Variants in CELF4 observed in about 807,000 individuals in gnomAD.
CELF4 encodes CUG-BP- and ETR-3-like factor 4.
A neutral mutation model predicts 59.9 loss-of-function variants in CELF4; 18 were observed. That is an observed-to-expected ratio of 0.30 (90% confidence interval 0.21 to 0.45). The LOEUF (loss-of-function observed/expected upper bound fraction) is 0.45, where lower values mean the gene tolerates loss of function less well. Among genes scored for constraint, CELF4 ranks in the 20% least tolerant of loss-of-function variants. The pLI, the probability that CELF4 is intolerant of heterozygous loss-of-function variation, is 1.00. For missense variants in CELF4, 456 were observed against 689.0 expected (o/e 0.66, Z 3.79); for synonymous variants, 261 against 267.1 (o/e 0.98, Z 0.22).
At chr18:37,428,754 C>T (rs1274122208) in intron 2 of CELF4, among the ~76,000 whole-genome samples, 2 of 152,116 alleles carry the variant, frequency 1.3e-5, no homozygotes, top group African/African-American at 4.8e-5. Context: ...GAAGTAGGGC[C>T]CCCATGTGTT....
intron 2 of CELF4, among the ~76,000 whole-genome samples, chr18:37,451,500 C>G (rs568896191): frequency 6.6e-6 from 1 of 152,208 alleles, no homozygotes; most frequent in East Asian, 1.9e-4. Flanking sequence ...TGTGTCACTG[C>G]ATGTTTGTGC....
In CELF4 at chr18:37,374,167, G is replaced by A. The variant is rs567948142; in HGVS notation, c.370-52286C>T. Among the ~76,000 whole-genome samples the A allele has an allele frequency of 3.3e-5, 5 of 152,264 alleles. No homozygotes were observed. In the South Asian group the frequency reaches 1.0e-3, roughly 32 times the overall value. On this transcript the variant is annotated intron_variant, in intron 2 of 12. Transcript: ENST00000420428. ...CCCAGCTTGGGCAGAGAAGTTCCCCGCAGGTCCCCACCTCTTCACTCTCCA... is the reference window on the plus strand; with the variant it reads ...CCCAGCTTGGGCAGAGAAGTTCCCCACAGGTCCCCACCTCTTCACTCTCCA...
chr18:37,301,702 G>C (rs1430543206), intron 3 of CELF4, among the ~76,000 whole-genome samples: 2 of 152,156 alleles, frequency 1.3e-5, no homozygotes, highest in Non-Finnish European at 2.9e-5. Flanking sequence ...GTTGGACCCT[G>C]CTGGGAGCGT....
At chr18:37,504,118 C>T (rs1363829883) in intron 1 of CELF4, among the ~76,000 whole-genome samples, 1 of 152,114 alleles carries the variant, frequency 6.6e-6, no homozygotes, top group African/African-American at 2.4e-5. Context: ...ATGCCTGTGG[C>T]CTTATGTATA....
At chr18:37,377,119 G>T (rs1430314831) in intron 2 of CELF4, among the ~76,000 whole-genome samples, 2 of 152,044 alleles carry the variant, frequency 1.3e-5, no homozygotes, top group Non-Finnish European at 2.9e-5. Flanking sequence ...GAGAAGGAGA[G>T]AGAGAAAAAG....
intron 2 of CELF4, among the ~76,000 whole-genome samples, chr18:37,402,146 G>C (rs999191227): frequency 6.6e-6 from 1 of 152,226 alleles, no homozygotes; most frequent in Non-Finnish European, 1.5e-5. Context: ...AGGCCACCTG[G>C]AGGGGATGTG....
intron 6 of CELF4, chr18:37,273,892 C>A: frequency 1.8e-5 from 18 of 1,020,970 alleles, no homozygotes; most frequent in Non-Finnish European, 2.1e-5. Flanking sequence ...GGGCACCTCA[C>A]AGGAGCCCTG....
intron 1 of CELF4, among the ~76,000 whole-genome samples, chr18:37,502,394 G>C (rs1451252311): frequency 6.6e-6 from 1 of 152,168 alleles, no homozygotes. Context: ...GGAAGGAAGG[G>C]GGGGCAGGGA....
chr18:37,435,686 C>T (rs2099689181), intron 2 of CELF4, among the ~76,000 whole-genome samples: 1 of 152,184 alleles, frequency 6.6e-6, no homozygotes, highest in Non-Finnish European at 1.5e-5. Context: ...TCATCACGTC[C>T]CAACAAGGCA....
intron 2 of CELF4, among the ~76,000 whole-genome samples, chr18:37,381,016 A>C (rs1193930787): frequency 2.0e-5 from 3 of 149,566 alleles, no homozygotes; most frequent in Non-Finnish European, 3.0e-5. Context: ...CCATCCATCT[A>C]TCCATTCCTC....
intron 2 of CELF4, among the ~76,000 whole-genome samples, chr18:37,353,767 CTTTT>C (rs35838731): frequency 2.2e-5 from 2 of 90,918 alleles, no homozygotes; most frequent in African/African-American, 4.1e-5. Context: ...GCAGTTCTTT[CTTTT>C]TTTTTTTTTT....
At chr18:37,264,322 T>C (rs964385036) in intron 10 of CELF4, among the ~76,000 whole-genome samples, 1 of 152,206 alleles carries the variant, frequency 6.6e-6, no homozygotes, top group Non-Finnish European at 1.5e-5. Context: ...GGGGTTCTCA[T>C]AGACCAAGGT....
At chr18:37,440,840 C>T (rs2099710516) in intron 2 of CELF4, among the ~76,000 whole-genome samples, 1 of 152,112 alleles carries the variant, frequency 6.6e-6, no homozygotes, top group Non-Finnish European at 1.5e-5. Context: ...CCTCCAAGGA[C>T]CTTGGACAAA....
rs561694808 is a variant in CELF4, at chr18:37,472,773, G to A, written c.369+12752C>T. Among the ~76,000 whole-genome samples, 124 of 152,306 alleles carry A rather than the reference G, an allele frequency of 8.1e-4. 1 individual carries two copies. Among genetic ancestry groups the A allele is most frequent in the African/African-American group, 2.6e-3 (110 of 41,574 alleles). ...TAAGGCCTGAAGGTCTTCAGAGAAG[G>A]GAGAAATTGGGAGGCCTGAAGGAGA... On this transcript the variant is annotated intron_variant, in intron 2 of 12. Coordinates refer to ENST00000420428, the MANE Select transcript of CELF4 (RefSeq NM_020180.4).
chr18:37,503,180 TC>T (rs1382026872), intron 1 of CELF4, among the ~76,000 whole-genome samples: 1 of 152,190 alleles, frequency 6.6e-6, no homozygotes, highest in Admixed American at 6.5e-5. Flanking sequence ...GCGCTTTCTC[TC>T]CCCTGGCCTC....
At chr18:37,410,919 G>A (rs56171972) in intron 2 of CELF4, among the ~76,000 whole-genome samples, 58 of 152,334 alleles carry the variant, frequency 3.8e-4, no homozygotes, top group African/African-American at 1.3e-3. Context: ...GCATCCGTGA[G>A]ATCCAGAGAT....
intron 1 of CELF4, among the ~76,000 whole-genome samples, chr18:37,564,848 A>G (rs1449902857): frequency 6.6e-6 from 1 of 152,022 alleles, no homozygotes; most frequent in Non-Finnish European, 1.5e-5. Flanking sequence ...TTCTCTTTGA[A>G]TTTGTCACCT....
chr18:37,508,225 T>C (rs1006554965), intron 1 of CELF4, among the ~76,000 whole-genome samples: 4 of 152,150 alleles, frequency 2.6e-5, no homozygotes, highest in Admixed American at 1.3e-4. Context: ...GACTAAGACA[T>C]TGGAAGCTGT....
intron 1 of CELF4, among the ~76,000 whole-genome samples, chr18:37,512,548 C>A (rs1321660532): frequency 6.6e-6 from 1 of 151,708 alleles, no homozygotes; most frequent in Non-Finnish European, 1.5e-5. Context: ...CATCTCCTGT[C>A]CTTTCTTCTT....
Sources: gnomAD v4.1 joint callset for allele counts (sites outside exome capture counted in the v4.1 genomes callset) on GRCh38, gnomAD v4.1.1 for gene constraint, MANE v1.5 for transcripts, NCBI Gene and HGNC (gene_info 2026-07-23, HGNC 2026-07-21) for gene names.